The following ACTA2 variants were observed in gnomAD, a reference collection of about 807,000 sequenced individuals.
ACTA2 encodes the protein actin alpha 2, smooth muscle.
ACTA2 carries 12 observed loss-of-function variants against 39.5 expected under a neutral mutation model. The ratio of observed to expected loss-of-function variants is 0.30; its 90% confidence interval spans 0.19 to 0.49. ACTA2 has a LOEUF of 0.49. ACTA2 is among the 20% of genes least tolerant of loss of function. The pLI is 0.99. For synonymous variants in ACTA2, 158 were observed against 180.6 expected, an observed-to-expected ratio of 0.88 and a Z score of 1.00; for missense variants, 236 against 498.8, an observed-to-expected ratio of 0.47 and a Z score of 5.02.
intron 1 of ACTA2, among the ~76,000 whole-genome samples, chr10:88,988,283 T>G (rs1039697892): frequency 5.3e-5 from 8 of 152,214 alleles, no homozygotes; most frequent in African/African-American, 1.9e-4. Flanking sequence ...CAGTCATGGA[T>G]ATACACTATA....
At chr10:88,973,461 C>T (rs1023151285) in intron 1 of ACTA2, 14 of 908,116 alleles carry the variant, frequency 1.5e-5, no homozygotes, top group Admixed American at 3.6e-5. Flanking sequence ...AAGAAAAACA[C>T]GTCATTTCAT....
chr10:88,953,030 T>C (rs1330758249), upstream of ACTA2, among the ~76,000 whole-genome samples: 1 of 152,246 alleles, frequency 6.6e-6, no homozygotes, highest in African/African-American at 2.4e-5. Context: ...TCAGAACAAC[T>C]GCAGAAATGC....
chr10:88,991,177 C>G, exon 1 of ACTA2: 2 of 579,118 alleles, frequency 3.5e-6, no homozygotes, highest in Non-Finnish European at 6.2e-6. Context: ...GGGGCAGCTC[C>G]GGCGCTCCTC....
chr10:88,948,799 C>T lies in ACTA2; in HGVS notation c.129+3G>A. 6.2e-7 allele frequency: 1 copy of T among 1,613,872 alleles called. No individual in the cohort carries two copies. Among genetic ancestry groups the T allele is most frequent in the Non-Finnish European group, 8.5e-7 (1 of 1,179,830 alleles). ...GTTATGTTCCAATCATAATTTTCCT[C>T]ACCTGATGTCTGGGACGTCCCACAA... On this transcript the variant is annotated splice_donor_region_variant and intron_variant, in intron 2 of 8. Coordinates refer to ENST00000224784, the MANE Select transcript of ACTA2 (RefSeq NM_001613.4).
chr10:88,979,616 T>C (rs1247319004), intron 1 of ACTA2, among the ~76,000 whole-genome samples: 2 of 152,178 alleles, frequency 1.3e-5, no homozygotes, highest in Non-Finnish European at 2.9e-5. Flanking sequence ...TGATGACTTT[T>C]TTTTTTTAAC....
At chr10:88,935,512 C>T (rs1845719531) in intron 8 of ACTA2, 146 bp from the exon 9 acceptor site, 1 of 868,170 alleles carries the variant, frequency 1.2e-6, no homozygotes. Context: ...CCAATTGTGT[C>T]CTAATTGTGT....
chr10:88,967,097 G>A (rs1434461127), intron 1 of ACTA2, among the ~76,000 whole-genome samples: 1 of 152,160 alleles, frequency 6.6e-6, no homozygotes, highest in African/African-American at 2.4e-5. Context: ...AGAGACCCTC[G>A]AGATATCTTT....
At chr10:88,940,336 G>T (rs1196929095) in intron 6 of ACTA2, 1 of 157,850 alleles carries the variant, frequency 6.3e-6, no homozygotes, top group Non-Finnish European at 1.4e-5. Context: ...GAAGTTCTAG[G>T]CTATTAATTA....
chr10:88,939,543 G>A lies in ACTA2; in HGVS notation c.772C>T (p.Arg258Cys), dbSNP rs121434528. ...QVITIGNERFRCPETLFQPSF... is the reference protein window; with the variant it reads ...QVITIGNERFCCPETLFQPSF... ...GGCTGGAACAGGGTCTCTGGGCAGCGGAAACGTTCATTTCCGATGGTGATC... is the reference window on the plus strand; with the variant it reads ...GGCTGGAACAGGGTCTCTGGGCAGCAGAAACGTTCATTTCCGATGGTGATC... Residue 258 changes from arginine (R) to cysteine (C), a missense_variant, in exon 7 of 9, where the codon CGC becomes TGC. Coordinates refer to ENST00000224784, the MANE Select transcript of ACTA2 (RefSeq NM_001613.4). The A allele has an allele frequency of 1.2e-6, 2 of 1,613,792 alleles. No homozygotes were observed. The highest frequency in any genetic ancestry group is 1.7e-6 in the Non-Finnish European group (2 of 1,179,988).
At chr10:88,987,573 A>G (rs1420931409) in intron 1 of ACTA2, among the ~76,000 whole-genome samples, 3 of 152,236 alleles carry the variant, frequency 2.0e-5, no homozygotes, top group Non-Finnish European at 4.4e-5. Flanking sequence ...CACATCTCAC[A>G]TATTTCTACT....
intron 8 of ACTA2, among the ~76,000 whole-genome samples, chr10:88,936,498 G>C (rs1564641782): frequency 1.3e-5 from 2 of 152,154 alleles, no homozygotes; most frequent in South Asian, 2.1e-4. Flanking sequence ...TCTCCTTGGT[G>C]ATAAGTGAGC....
upstream of ACTA2, among the ~76,000 whole-genome samples, chr10:88,955,018 A>G (rs77267553): frequency 1.4e-5 from 2 of 147,586 alleles, no homozygotes; most frequent in Non-Finnish European, 3.0e-5. Flanking sequence ...GTGTCACACA[A>G]AAAAAAAAAA....
At chr10:88,938,955 C>A (rs965204721) in intron 7 of ACTA2, among the ~76,000 whole-genome samples, 1 of 152,190 alleles carries the variant, frequency 6.6e-6, no homozygotes, top group African/African-American at 2.4e-5. Flanking sequence ...CTGTAATTCT[C>A]ACAGCCATCC....
intron 1 of ACTA2, among the ~76,000 whole-genome samples, chr10:88,984,559 C>A (rs1846817863): frequency 6.6e-6 from 1 of 152,222 alleles, no homozygotes; most frequent in African/African-American, 2.4e-5. Context: ...TAAGATATCC[C>A]AGTGTTTGCA....
chr10:88,975,253 G>T (rs886197665), intron 1 of ACTA2: 2 of 152,086 alleles, frequency 1.3e-5, no homozygotes, highest in Non-Finnish European at 2.9e-5. Context: ...GTGAGGAAAA[G>T]ATTGCTAAAT....
At chr10:88,985,880 T>C (rs1294993366) in intron 1 of ACTA2, among the ~76,000 whole-genome samples, 4 of 152,222 alleles carry the variant, frequency 2.6e-5, no homozygotes, top group African/African-American at 9.7e-5. Flanking sequence ...TCCAGAAGTA[T>C]AATGCCCTTG....
At chr10:88,973,369 G>A (rs547330329) in intron 1 of ACTA2, 55 of 1,446,558 alleles carry the variant, frequency 3.8e-5, no homozygotes, top group South Asian at 1.4e-4. Flanking sequence ...ATTGCCAGGC[G>A]AACAATTGTG....
chr10:88,944,983 T>A (rs1845919753), intron 3 of ACTA2, among the ~76,000 whole-genome samples: 1 of 152,212 alleles, frequency 6.6e-6, no homozygotes, highest in South Asian at 2.1e-4. Context: ...CTTTCTTTTG[T>A]TTTGGATTTG....
At chr10:88,985,873 AG>A (rs1846866207) in intron 1 of ACTA2, among the ~76,000 whole-genome samples, 1 of 152,234 alleles carries the variant, frequency 6.6e-6, no homozygotes, top group Admixed American at 6.5e-5. Context: ...CAACCTTTCC[AG>A]AAGTATAATG....
Sources: gnomAD v4.1 joint callset for allele counts (sites outside exome capture counted in the v4.1 genomes callset) on GRCh38, gnomAD v4.1.1 for gene constraint, MANE v1.5 for transcripts, NCBI Gene and HGNC (gene_info 2026-07-23, HGNC 2026-07-21) for gene names.